ORC2: variants seen among roughly 807,000 people sequenced by gnomAD.
The protein encoded by ORC2 is origin recognition complex protein 2 homolog.
ORC2 carries 37 observed loss-of-function variants against 77.7 expected under a neutral mutation model. The ratio of observed to expected loss-of-function variants is 0.48; its 90% CI spans 0.37 to 0.63. The LOEUF (loss-of-function observed/expected upper bound fraction) is 0.63, where lower values mean the gene tolerates loss of function less well. Ranked by LOEUF, ORC2 falls within the 20% of genes least tolerant of loss-of-function variation. ORC2 has a pLI of 0.00. For synonymous variants in ORC2, 201 were observed against 229.5 expected (o/e 0.88, Z 1.12); for missense variants, 557 against 661.9 (o/e 0.84, Z 1.74).
At position 200,911,374 on chromosome 2, in the gene ORC2, A is replaced by G; in HGVS notation, c.1661T>C (p.Val554Ala). 1 of 1,589,650 alleles carries G rather than the reference A, an allele frequency of 6.3e-7. No individual in the cohort carries two copies. Among genetic ancestry groups the G allele is most frequent in the Non-Finnish European group, 8.6e-7 (1 of 1,157,952 alleles). Residue 554 changes from valine (V) to alanine (A), a missense_variant, in exon 18 of 18, where the codon GTA (valine) becomes GCA (alanine). By Grantham distance (64) the Val-to-Ala change is moderately conservative (BLOSUM62 0). Coordinates refer to ENST00000234296, the MANE Select transcript of ORC2 (RefSeq NM_006190.5). ...ATCAACAGGAATTAATAAATACTCT[A>G]CTCCATCAGTTCCCTGAAAGATTTA... ...LIRTKKGTDGVEYLLIPVDNG... is the reference protein window; with the variant it reads ...LIRTKKGTDGAEYLLIPVDNG...
chr2:200,913,270 C>T (rs371187163), intron 17 of ORC2, 25 bp downstream of exon 17: 1 of 1,524,344 alleles, frequency 6.6e-7, no homozygotes, highest in Non-Finnish European at 9.0e-7. Context: ...TCCTGGCATA[C>T]AATGCTACAA....
In ORC2 at chr2:200,920,391, A is replaced by C. The variant is rs1240104819; in HGVS notation, c.1297T>G (p.Trp433Gly). 6.5e-7 allele frequency: 1 copy of C among 1,548,062 alleles called. No individual in the cohort carries two copies. The highest frequency in any genetic ancestry group is 8.7e-7 in the Non-Finnish European group (1 of 1,144,786). ...SIDHLNAPLMWDHAKQSLFNW... is the reference protein window; with the variant it reads ...SIDHLNAPLMGDHAKQSLFNW... ...AAAAGACTCTGCTTTGCATGATCCC[A>C]CACTAGCACATGATCAAAGAAAACA... The change falls in exon 15 of 18, where the codon TGG becomes GGG. Residue 433 changes from tryptophan to glycine, a missense_variant and splice_region_variant. Coordinates refer to ENST00000234296, the MANE Select transcript of ORC2 (RefSeq NM_006190.5).
chr2:200,952,409 G>A (rs559338440), intron 4 of ORC2, among the ~76,000 whole-genome samples: 366 of 151,970 alleles, frequency 2.4e-3, no homozygotes, highest in Admixed American at 6.7e-3. Context: ...ACAGTCGCCC[G>A]CCACCACACC....
intron 7 of ORC2, among the ~76,000 whole-genome samples, chr2:200,940,751 G>A (rs1405308463): frequency 1.3e-5 from 2 of 152,034 alleles, no homozygotes; most frequent in East Asian, 1.9e-4. Context: ...GCAGTGAGCC[G>A]AGACCACGCC....
chr2:200,915,903 C>T (rs995592267), intron 15 of ORC2, among the ~76,000 whole-genome samples: 7 of 152,016 alleles, frequency 4.6e-5, no homozygotes, highest in Non-Finnish European at 1.0e-4. Flanking sequence ...CCATGTTGGC[C>T]AGGCTGGTCC....
chr2:200,934,494 T>C (rs56063265), intron 9 of ORC2, among the ~76,000 whole-genome samples: 1 of 138,834 alleles, frequency 7.2e-6, no homozygotes, highest in African/African-American at 2.6e-5. Flanking sequence ...TTTTAAATTG[T>C]TTTTTTTTTT....
chr2:200,947,485 A>G (rs1032499078), intron 5 of ORC2, among the ~76,000 whole-genome samples: 1 of 152,244 alleles, frequency 6.6e-6, no homozygotes, highest in Non-Finnish European at 1.5e-5. Flanking sequence ...TTGAATAAAA[A>G]CAAACCACTG....
At position 200,913,384 on chromosome 2, in the gene ORC2, A is replaced by C. The variant is rs761683522; in HGVS notation, c.1558T>G (p.Cys520Gly). ...GLSFQDFYQQ[C>G]REAFLVNSDL... is the part of the protein sequence containing the mutation. ...CTATTGACGAGGAATGCCTCCCGAC[A>C]CTGCTGGTAAAAATCTTGAAAAGAA... The change falls in exon 17 of 18, where the codon TGT (cysteine) becomes GGT (glycine). Residue 520 changes from cysteine to glycine, a missense_variant. Physicochemically the swap from Cys to Gly is radical, Grantham distance 159. Coordinates refer to ENST00000234296, the MANE Select transcript of ORC2 (RefSeq NM_006190.5). 1.7e-5 allele frequency: 27 copies of C among 1,595,246 alleles called. No individual in the cohort carries two copies. Among genetic ancestry groups the C allele is most frequent in the Non-Finnish European group, 2.1e-5 (25 of 1,167,854 alleles).
intron 5 of ORC2, among the ~76,000 whole-genome samples, chr2:200,943,490 G>A (rs961229211): frequency 1.3e-5 from 2 of 152,110 alleles, no homozygotes; most frequent in South Asian, 4.1e-4. Context: ...TGAGAGGCAT[G>A]TGGAAAATGA....
intron 11 of ORC2, among the ~76,000 whole-genome samples, chr2:200,930,894 A>G (rs1213701290): frequency 6.6e-6 from 1 of 152,220 alleles, no homozygotes; most frequent in Non-Finnish European, 1.5e-5. Flanking sequence ...TAATGCTTAT[A>G]GAACAAATCT....
chr2:200,946,198 C>T (rs1230057222), intron 5 of ORC2, among the ~76,000 whole-genome samples: 5 of 151,526 alleles, frequency 3.3e-5, no homozygotes, highest in Admixed American at 3.3e-4. Context: ...CTAGGTTGCA[C>T]GGGCTGGTCT....
At chr2:200,961,015 T>A (rs950960107) in intron 1 of ORC2, among the ~76,000 whole-genome samples, 1 of 152,098 alleles carries the variant, frequency 6.6e-6, no homozygotes, top group South Asian at 2.1e-4. Context: ...GAACTCGTGA[T>A]TGGCCCACCT....
chr2:200,913,750 C>G lies in ORC2; in HGVS notation c.1528+181G>C, dbSNP rs2040590611. 6 of 1,383,536 alleles carry G rather than the reference C, an allele frequency of 4.3e-6. No individual in the cohort carries two copies. In the East Asian group the frequency reaches 1.6e-4, roughly 38 times the overall value. The allele number at this position is 1,383,536 out of a possible 1,614,324, so 85.7% of individuals were successfully genotyped here. ...TCTTTCAATTTGTGTTGGCAAACAC[C>G]TTGCTCAGCAGTGGATCTGTAGAGC... On this transcript the variant is annotated intron_variant, in intron 16 of 17. Coordinates refer to ENST00000234296, the MANE Select transcript of ORC2 (RefSeq NM_006190.5).
chr2:200,926,642 G>A (rs1242191399), intron 12 of ORC2, 126 bp downstream of exon 12: 1 of 805,390 alleles, frequency 1.2e-6, no homozygotes. Context: ...ATGGTATTAA[G>A]CACTATACAA....
intron 6 of ORC2, 46 bp downstream of exon 6, chr2:200,942,639 A>T: frequency 9.8e-7 from 1 of 1,021,418 alleles, no homozygotes; most frequent in Non-Finnish European, 1.5e-6. Flanking sequence ...CTCTATCTTG[A>T]AGCAACTATG....
chr2:200,942,274 G>C (rs925392783), intron 6 of ORC2, among the ~76,000 whole-genome samples: 1 of 152,096 alleles, frequency 6.6e-6, no homozygotes, highest in Non-Finnish European at 1.5e-5. Context: ...AAAGAGCAAC[G>C]AAATGTACAC....
At chr2:200,951,279 C>G (rs2125023218) in intron 4 of ORC2, among the ~76,000 whole-genome samples, 1 of 143,028 alleles carries the variant, frequency 7.0e-6, no homozygotes, top group Non-Finnish European at 1.6e-5. Flanking sequence ...TGAACGACCT[C>G]TTTGTTGCTT....
intron 13 of ORC2, 73 bp from the exon 14 acceptor site, chr2:200,921,212 T>G (rs2040753514): frequency 1.0e-6 from 1 of 983,942 alleles, no homozygotes; most frequent in Non-Finnish European, 1.4e-6. Context: ...TAGGCTAGAG[T>G]GCAGTGGTAC....
intron 17 of ORC2, among the ~76,000 whole-genome samples, chr2:200,912,331 C>CA (rs1366696219): frequency 1.3e-5 from 2 of 152,214 alleles, no homozygotes; most frequent in East Asian, 3.8e-4. Context: ...TTGGAAATCT[C>CA]AAAGGAACCT....
Sources: allele counts gnomAD v4.1 joint callset (sites outside exome capture counted in the v4.1 genomes callset), GRCh38; gene constraint gnomAD v4.1.1; transcripts MANE v1.5; gene names NCBI Gene and HGNC (gene_info 2026-07-23, HGNC 2026-07-21).